SLC9A8: variants seen among roughly 807,000 people sequenced by gnomAD.
SLC9A8 encodes the protein solute carrier family 9 member A8.
In SLC9A8, 48 loss-of-function variants were observed where a neutral mutation model predicts 66.6. That is an observed-to-expected ratio of 0.72 (90% CI 0.57 to 0.92). The LOEUF is 0.92. Among genes scored for constraint, SLC9A8 ranks in the 40% least tolerant of loss-of-function variants. The pLI, the probability that SLC9A8 is intolerant of heterozygous loss-of-function variation, is 0.00. For missense variants in SLC9A8, 599 were observed against 747.3 expected, an observed-to-expected ratio of 0.80 and a Z score of 2.31; for synonymous variants, 274 against 282.6, an observed-to-expected ratio of 0.97 and a Z score of 0.31.
intron 2 of SLC9A8, among the ~76,000 whole-genome samples, chr20:49,819,558 A>G (rs1197836658): frequency 6.6e-6 from 1 of 152,170 alleles, no homozygotes; most frequent in African/African-American, 2.4e-5. Context: ...AATACATAAC[A>G]TACATTTACA....
At position 49,886,959 on chromosome 20, in the gene SLC9A8, C is replaced by A; in HGVS notation, c.1638+61C>A. 1 of 1,550,032 alleles carries A rather than the reference C, an allele frequency of 6.5e-7. No individual in the cohort carries two copies. The highest frequency in any genetic ancestry group is 8.8e-7 in the Non-Finnish European group (1 of 1,141,172). On this transcript the variant is annotated intron_variant, in intron 15 of 15. Coordinates refer to ENST00000361573, the MANE Select transcript of SLC9A8 (RefSeq NM_015266.3). This position sits in a 1 kb window ranked among gnomAD's most constrained non-coding sequence, Gnocchi z 4.8. ...CCTTGCCTGCCTCCTTCAGGACCTG[C>A]GGTGGCCCAGGGTGGGGTGGAGGAA...
At chr20:49,876,819 C>T (rs1158536370) in intron 11 of SLC9A8, among the ~76,000 whole-genome samples, 1 of 151,974 alleles carries the variant, frequency 6.6e-6, no homozygotes. Context: ...TGAATGTCTT[C>T]TAAATGTGCT....
At chr20:49,820,377 T>C (rs1313258182) in intron 2 of SLC9A8, among the ~76,000 whole-genome samples, 4 of 151,814 alleles carry the variant, frequency 2.6e-5, no homozygotes, top group Non-Finnish European at 5.9e-5. Context: ...ACACCTATAA[T>C]CCCAGCTATT....
chr20:49,816,384 T>C (rs2086548764), intron 2 of SLC9A8, among the ~76,000 whole-genome samples: 1 of 151,504 alleles, frequency 6.6e-6, no homozygotes, highest in Non-Finnish European at 1.5e-5. Context: ...CGTGCCACTG[T>C]ACTGTAGCCT....
At chr20:49,816,376 T>C (rs2086548426) in intron 2 of SLC9A8, among the ~76,000 whole-genome samples, 1 of 151,492 alleles carries the variant, frequency 6.6e-6, no homozygotes, top group Non-Finnish European at 1.5e-5. Context: ...GCCAAGATCG[T>C]GCCACTGTAC....
intron 5 of SLC9A8, among the ~76,000 whole-genome samples, chr20:49,848,014 C>A (rs2088082525): frequency 6.7e-6 from 1 of 148,474 alleles, no homozygotes; most frequent in Non-Finnish European, 1.5e-5. Context: ...CAACCTCGGC[C>A]CCCTGGGTTC....
intron 14 of SLC9A8, among the ~76,000 whole-genome samples, chr20:49,885,533 G>A (rs1429248503): frequency 6.6e-6 from 1 of 152,214 alleles, no homozygotes; most frequent in Non-Finnish European, 1.5e-5. Flanking sequence ...TCACCATGTG[G>A]TCCAGGCTAA....
At chr20:49,860,990 C>T (rs1240888794) in intron 8 of SLC9A8, among the ~76,000 whole-genome samples, 1 of 152,054 alleles carries the variant, frequency 6.6e-6, no homozygotes, top group Non-Finnish European at 1.5e-5. Context: ...GGCAGGCCTG[C>T]GTGAAGGGAT....
intron 4 of SLC9A8, among the ~76,000 whole-genome samples, chr20:49,842,954 C>T (rs2087827389): frequency 1.3e-5 from 2 of 152,316 alleles, no homozygotes; most frequent in South Asian, 4.1e-4. Flanking sequence ...TCTCTGTGCT[C>T]ACATGGCATT....
chr20:49,831,627 T>C (rs1600667587), intron 3 of SLC9A8, among the ~76,000 whole-genome samples: 1 of 152,222 alleles, frequency 6.6e-6, no homozygotes, highest in East Asian at 1.9e-4. Context: ...CGCTGAATTC[T>C]CTGCAGGGAG....
rs541533819 is a variant in SLC9A8, at chr20:49,819,313, T to C, written c.209-3748T>C. 7.8e-4 allele frequency among the ~76,000 whole-genome samples: 119 copies of C among 152,360 alleles called. 1 individual carries two copies. Among genetic ancestry groups the C allele is most frequent in the African/African-American group, 2.7e-3 (113 of 41,586 alleles). On this transcript the variant is annotated intron_variant, in intron 2 of 15. Coordinates refer to ENST00000361573, the MANE Select transcript of SLC9A8 (RefSeq NM_015266.3). Reference sequence around the variant, plus strand: ...ACACCCTCCATACCACACAGAAGTGTTTGCCCTTTCTTGCTCGGTTTTTTT... The same window carrying C: ...ACACCCTCCATACCACACAGAAGTGCTTGCCCTTTCTTGCTCGGTTTTTTT...
chr20:49,874,867 G>C, intron 11 of SLC9A8, 46 bp downstream of exon 11: 1 of 1,289,622 alleles, frequency 7.8e-7, no homozygotes, highest in Non-Finnish European at 1.1e-6. Context: ...ACCCAGAGCT[G>C]ATCTTGCTTC....
rs753996717 is a variant in SLC9A8, at chr20:49,886,900, T to G, written c.1638+2T>G. 1.2e-6 allele frequency: 2 copies of G among 1,612,872 alleles called. No individual in the cohort carries two copies. The highest frequency in any genetic ancestry group is 8.5e-7 in the Non-Finnish European group (1 of 1,179,388). The stretch of plus-strand genomic sequence containing the variant: ...TTCACTCGGAGGCTGACGCAGGAGG[T>G]GGGATACCGGCCAGGCCACACTTTC... On this transcript the variant is annotated splice_donor_variant, in intron 15 of 15. Transcript: ENST00000361573. LOFTEE classifies it high-confidence loss of function. The surrounding 1 kb of genome is among the most constrained non-coding windows in gnomAD (Gnocchi z 4.8).
At chr20:49,818,831 A>G (rs867084722) in intron 2 of SLC9A8, among the ~76,000 whole-genome samples, 8 of 152,208 alleles carry the variant, frequency 5.3e-5, no homozygotes, top group African/African-American at 1.4e-4. Context: ...AATTGCTGTT[A>G]TTAGGTAACT....
At chr20:49,822,973 C>G (rs2086795285) in intron 2 of SLC9A8, 88 bp from the exon 3 acceptor site, 15 of 1,083,476 alleles carry the variant, frequency 1.4e-5, no homozygotes, top group Non-Finnish European at 2.1e-5. Context: ...GAGGACCCCC[C>G]CAGAAATAAC....
At chr20:49,825,833 G>C (rs1370861657) in intron 3 of SLC9A8, among the ~76,000 whole-genome samples, 1 of 152,188 alleles carries the variant, frequency 6.6e-6, no homozygotes, top group Admixed American at 6.5e-5. Flanking sequence ...TCTCCCTGTG[G>C]TACTCTGATC....
At chr20:49,858,347 T>C (rs2088592776) in intron 8 of SLC9A8, among the ~76,000 whole-genome samples, 1 of 150,678 alleles carries the variant, frequency 6.6e-6, no homozygotes, top group Non-Finnish European at 1.5e-5. Context: ...TAAGATCTAC[T>C]CTGAAAGCTG....
At position 49,874,839 on chromosome 20, in the gene SLC9A8, G is replaced by C; in HGVS notation, c.1075+18G>C. 3 of 1,538,882 alleles carry C rather than the reference G, an allele frequency of 1.9e-6. No individual in the cohort carries two copies. The South Asian group carries it at 3.3e-5, about 17-fold the overall frequency. Reference sequence around the variant, plus strand: ...CTTATGTGGTGAGTTCTGCTTCTGTGTGGCCGTGAGCAGGCCCACCCAGAG... The same window carrying C: ...CTTATGTGGTGAGTTCTGCTTCTGTCTGGCCGTGAGCAGGCCCACCCAGAG... On this transcript the variant is annotated intron_variant, in intron 11 of 15. Transcript: ENST00000361573.
In SLC9A8 at chr20:49,812,906, C is replaced by G. The variant is rs910812825; in HGVS notation, c.-17C>G. ...GCCCCGCGGCTCCGAACTCGGTGGTCCTGGAAGCTCCGCAGGATGGGGGAG... is the reference window on the plus strand; with the variant it reads ...GCCCCGCGGCTCCGAACTCGGTGGTGCTGGAAGCTCCGCAGGATGGGGGAG... On this transcript the variant is annotated 5_prime_UTR_variant, in exon 1 of 16. Transcript: ENST00000361573. 2 of 1,492,414 alleles carry G rather than the reference C, an allele frequency of 1.3e-6. No individual in the cohort carries two copies. The highest frequency in any genetic ancestry group is 2.9e-5 in the African/African-American group (2 of 68,582). The allele number at this position is 1,492,414 out of a possible 1,614,324, so 92.4% of individuals were successfully genotyped here.
Sources: gnomAD v4.1 joint callset for allele counts (sites outside exome capture counted in the v4.1 genomes callset) on GRCh38, gnomAD v4.1.1 for gene constraint, Gnocchi (gnomAD v3.1) non-coding constraint, MANE v1.5 for transcripts, NCBI Gene and HGNC (gene_info 2026-07-23, HGNC 2026-07-21) for gene names.